Variants in ATP8B4 observed in about 807,000 individuals in gnomAD.
ATP8B4 encodes the protein probable phospholipid-transporting ATPase IM.
A neutral mutation model predicts 145.6 loss-of-function variants in ATP8B4; 133 were observed. That is an observed-to-expected ratio of 0.91 (90% CI 0.79 to 1.05). ATP8B4 has a LOEUF of 1.05. ATP8B4 is among the 50% of genes least tolerant of loss of function. ATP8B4 has a pLI of 0.00. For synonymous variants in ATP8B4, 507 were observed against 492.9 expected, an observed-to-expected ratio of 1.03 and a Z score of -0.38; for missense variants, 1,458 against 1,425.2, an observed-to-expected ratio of 1.02 and a Z score of -0.37.
upstream of ATP8B4, among the ~76,000 whole-genome samples, chr15:50,120,586 G>C (rs1049104784): frequency 9.2e-5 from 14 of 152,126 alleles, no homozygotes; most frequent in Admixed American, 7.9e-4. Context: ...GAGTATAGTA[G>C]TGCCTATCAA....
At chr15:50,156,073 A>C (rs12591549) in intron 1 of ATP8B4, among the ~76,000 whole-genome samples, 24,356 of 51,176 alleles carry the variant, frequency 0.48, 3,815 homozygotes, top group East Asian at 0.59. Flanking sequence ...TAAATAAATA[A>C]ATATATATAT....
At chr15:49,880,734 T>C in intron 23 of ATP8B4, 1 of 149,966 alleles carries the variant, frequency 6.7e-6, no homozygotes, top group East Asian at 1.9e-4. Flanking sequence ...ATTTTCATTA[T>C]GTGGTCTAAA....
intron 14 of ATP8B4, among the ~76,000 whole-genome samples, chr15:49,961,048 G>A (rs1001538385): frequency 6.6e-6 from 1 of 152,146 alleles, no homozygotes; most frequent in African/African-American, 2.4e-5. Flanking sequence ...CAGGAGAATG[G>A]CGTGAACCCA....
intron 5 of ATP8B4, 90 bp from the exon 6 acceptor site, chr15:50,038,919 T>C (rs2051051175): frequency 1.7e-6 from 2 of 1,143,226 alleles, no homozygotes; most frequent in East Asian, 2.4e-5. Flanking sequence ...AGTTCATCCA[T>C]TTAAACTGTG....
intron 8 of ATP8B4, among the ~76,000 whole-genome samples, chr15:49,998,434 A>G (rs2047603580): frequency 6.6e-6 from 1 of 152,188 alleles, no homozygotes; most frequent in Admixed American, 6.6e-5. Context: ...TTGCCATTCT[A>G]ACTGGCGTGA....
At chr15:49,886,263 A>G (rs1326145288) in intron 23 of ATP8B4, among the ~76,000 whole-genome samples, 4 of 151,872 alleles carry the variant, frequency 2.6e-5, no homozygotes, top group African/African-American at 9.7e-5. Context: ...AGGATACTCA[A>G]TCTCTCTGTG....
intron 10 of ATP8B4, among the ~76,000 whole-genome samples, chr15:49,981,741 G>A (rs563274218): frequency 2.6e-5 from 4 of 152,236 alleles, no homozygotes; most frequent in African/African-American, 9.6e-5. Context: ...AAGATTTGAG[G>A]TCCCTTTGAA....
intron 9 of ATP8B4, among the ~76,000 whole-genome samples, chr15:49,993,685 T>A (rs1388922096): frequency 6.6e-6 from 1 of 152,182 alleles, no homozygotes; most frequent in Non-Finnish European, 1.5e-5. Context: ...TTTTACTTAT[T>A]AGAATAAACC....
intron 25 of ATP8B4, among the ~76,000 whole-genome samples, chr15:49,869,923 ACT>A (rs2033418886): frequency 6.6e-6 from 1 of 152,158 alleles, no homozygotes; most frequent in African/African-American, 2.4e-5. Context: ...AAATGTACAT[ACT>A]CTCTGACCCA....
chr15:49,866,213 G>A (rs1290852817), intron 26 of ATP8B4, 133 bp downstream of exon 26: 3 of 1,299,688 alleles, frequency 2.3e-6, no homozygotes, highest in Non-Finnish European at 3.1e-6. Context: ...GAAGCCTTCA[G>A]ATGCCTGGCT....
At chr15:50,085,621 G>GCT (rs1436139574) in intron 2 of ATP8B4, among the ~76,000 whole-genome samples, 3 of 151,830 alleles carry the variant, frequency 2.0e-5, no homozygotes, top group African/African-American at 7.2e-5. Flanking sequence ...GAAATATAGA[G>GCT]CTACAAGTAA....
intron 13 of ATP8B4, among the ~76,000 whole-genome samples, chr15:49,966,658 C>T (rs527696426): frequency 3.3e-5 from 5 of 152,322 alleles, no homozygotes; most frequent in South Asian, 2.1e-4. Context: ...CCTGGGACAG[C>T]GCACCTGGGG....
chr15:50,046,451 T>C (rs1007475866), intron 4 of ATP8B4, among the ~76,000 whole-genome samples: 1 of 152,198 alleles, frequency 6.6e-6, no homozygotes, highest in Non-Finnish European at 1.5e-5. Flanking sequence ...CACATCCTGA[T>C]GAAATTGTGC....
At chr15:50,006,862 A>C (rs1454901462) in intron 7 of ATP8B4, among the ~76,000 whole-genome samples, 1 of 152,202 alleles carries the variant, frequency 6.6e-6, no homozygotes, top group Non-Finnish European at 1.5e-5. Context: ...ACTGCTGTCC[A>C]GTGAAGGAGA....
intron 2 of ATP8B4, among the ~76,000 whole-genome samples, chr15:50,086,803 ATATT>A (rs1310208827): frequency 3.1e-5 from 2 of 63,616 alleles, no homozygotes; most frequent in Non-Finnish European, 2.5e-5. Flanking sequence ...ATAGAGATCT[ATATT>A]TATTATATAT....
At chr15:49,930,348 T>C (rs1320146481) in intron 16 of ATP8B4, among the ~76,000 whole-genome samples, 7 of 151,998 alleles carry the variant, frequency 4.6e-5, no homozygotes, top group African/African-American at 1.7e-4. Context: ...GTAAAGAAGA[T>C]TGTAGCAGTG....
intron 6 of ATP8B4, among the ~76,000 whole-genome samples, chr15:50,021,149 T>C (rs1380895943): frequency 2.0e-5 from 3 of 152,070 alleles, no homozygotes; most frequent in East Asian, 3.9e-4. Flanking sequence ...GATAGATAGA[T>C]AGATAGATAG....
chr15:50,177,358 T>C (rs1433876840), intron 1 of ATP8B4, among the ~76,000 whole-genome samples: 2 of 152,264 alleles, frequency 1.3e-5, no homozygotes, highest in African/African-American at 4.8e-5. Context: ...AGTCTCACAA[T>C]CTTTTCTATT....
chr15:50,172,194 C>T (rs1333039516), intron 1 of ATP8B4, among the ~76,000 whole-genome samples: 2 of 152,240 alleles, frequency 1.3e-5, no homozygotes, highest in Non-Finnish European at 2.9e-5. Context: ...TGATGCCGAG[C>T]GGAGGCTGGA....
Sources: gnomAD v4.1 joint callset for allele counts (sites outside exome capture counted in the v4.1 genomes callset) on GRCh38, gnomAD v4.1.1 for gene constraint, MANE v1.5 for transcripts, NCBI Gene and HGNC (gene_info 2026-07-23, HGNC 2026-07-21) for gene names.